TMED10: variants seen among roughly 807,000 people sequenced by gnomAD.
TMED10 encodes the protein transmembrane emp24 domain-containing protein 10.
TMED10 carries 7 observed loss-of-function variants against 23.1 expected under a neutral mutation model. The ratio of observed to expected loss-of-function variants is 0.30; its 90% CI spans 0.17 to 0.57. The LOEUF is 0.57. TMED10 is among the 20% of genes least tolerant of loss of function. TMED10 has a pLI of 0.91. For missense variants in TMED10, 162 were observed against 274.8 expected, an observed-to-expected ratio of 0.59 and a Z score of 2.90; for synonymous variants, 113 against 106.9, an observed-to-expected ratio of 1.06 and a Z score of -0.35.
chr14:75,165,100 A>C (rs1896144203), intron 1 of TMED10, among the ~76,000 whole-genome samples: 1 of 152,320 alleles, frequency 6.6e-6, no homozygotes, highest in East Asian at 1.9e-4. Flanking sequence ...TCTACTCTTC[A>C]TAAGAATTCA....
intron 3 of TMED10, among the ~76,000 whole-genome samples, chr14:75,145,289 A>G (rs752728864): frequency 2.6e-5 from 4 of 152,188 alleles, no homozygotes; most frequent in Non-Finnish European, 4.4e-5. Context: ...GTTAAGCAAA[A>G]GGTCAGGAAA....
At chr14:75,173,351 TGGAG>T (rs1000451907) in intron 1 of TMED10, among the ~76,000 whole-genome samples, 1 of 128,106 alleles carries the variant, frequency 7.8e-6, no homozygotes. Flanking sequence ...ATGGTGCCAC[TGGAG>T]GGAGGGAGGG....
intron 3 of TMED10, 125 bp from the exon 4 acceptor site, chr14:75,136,011 T>A: frequency 7.4e-7 from 1 of 1,344,068 alleles, no homozygotes; most frequent in Non-Finnish European, 1.0e-6. Flanking sequence ...TCAATCATCC[T>A]AACATATTTT....
intron 3 of TMED10, among the ~76,000 whole-genome samples, chr14:75,142,227 G>A (rs1222030546): frequency 1.3e-5 from 2 of 152,192 alleles, no homozygotes; most frequent in Non-Finnish European, 2.9e-5. Flanking sequence ...CAAGCTGCAT[G>A]TAGTTGTTAA....
chr14:75,134,759 T>C lies in TMED10; in HGVS notation c.*126A>G. 1.5e-6 allele frequency: 2 copies of C among 1,296,248 alleles called. No homozygotes were observed. The highest frequency in any genetic ancestry group is 1.3e-5 in the South Asian group (1 of 76,254). 80.3% of individuals were successfully genotyped at this position (1,296,248 alleles called of 1,614,324 possible). A position where few individuals can be genotyped will look rare whatever the true frequency, so the allele number is the denominator to read the frequency against. Reference sequence around the variant, plus strand: ...CCATGTCCTCCCACACCAAAAGAGATCAGTTCTGGCAAGAAAGCTCCAACG... The same window carrying C: ...CCATGTCCTCCCACACCAAAAGAGACCAGTTCTGGCAAGAAAGCTCCAACG... On this transcript the variant is annotated 3_prime_UTR_variant, in exon 5 of 5. Transcript: ENST00000303575.
At chr14:75,176,218 C>G in intron 1 of TMED10, 137 bp downstream of exon 1, 1 of 1,084,986 alleles carries the variant, frequency 9.2e-7, no homozygotes, top group South Asian at 1.5e-5. Context: ...GGGGCGGGCT[C>G]CACCGCACGT....
chr14:75,173,545 C>CT (rs374686958), intron 1 of TMED10, among the ~76,000 whole-genome samples: 3,484 of 149,284 alleles, frequency 0.023, 83 homozygotes, highest in African/African-American at 0.056. Context: ...ATCATCACTG[C>CT]TTTTTTTTTT....
chr14:75,147,220 G>A (rs1332203444), intron 3 of TMED10, among the ~76,000 whole-genome samples: 1 of 113,658 alleles, frequency 8.8e-6, no homozygotes, highest in East Asian at 2.1e-4. Flanking sequence ...ATGGAGCCTT[G>A]CCCTGTCGCC....
chr14:75,136,721 C>A (rs1895754810), intron 3 of TMED10: 1 of 152,160 alleles, frequency 6.6e-6, no homozygotes, highest in Non-Finnish European at 1.5e-5. Context: ...AATATCAGAG[C>A]TCAGATGTGA....
At chr14:75,176,300 C>T (rs927892772) in intron 1 of TMED10, 55 bp downstream of exon 1, 2 of 1,602,756 alleles carry the variant, frequency 1.2e-6, no homozygotes, top group Non-Finnish European at 1.7e-6. Flanking sequence ...CCCGAGCCTC[C>T]CCTCGCCTAA....
intron 1 of TMED10, among the ~76,000 whole-genome samples, chr14:75,166,585 C>A (rs1209414897): frequency 6.6e-6 from 1 of 152,172 alleles, no homozygotes; most frequent in African/African-American, 2.4e-5. Flanking sequence ...ACAGGGAAGG[C>A]TGTAGACAAC....
intron 1 of TMED10, among the ~76,000 whole-genome samples, chr14:75,162,749 A>G (rs1358521193): frequency 6.6e-6 from 1 of 152,204 alleles, no homozygotes; most frequent in Non-Finnish European, 1.5e-5. Flanking sequence ...AACGTGACAA[A>G]TCATGTTGAT....
chr14:75,176,123 A>G (rs1896301553), intron 1 of TMED10: 5 of 586,624 alleles, frequency 8.5e-6, no homozygotes, highest in Non-Finnish European at 1.5e-5. Flanking sequence ...GTGTCACCAC[A>G]TCCGCCAAAG....
At chr14:75,172,046 C>G (rs1185953051) in intron 1 of TMED10, among the ~76,000 whole-genome samples, 1 of 151,828 alleles carries the variant, frequency 6.6e-6, no homozygotes, top group African/African-American at 2.4e-5. Flanking sequence ...TACATCTTTA[C>G]AGCTGATTCC....
chr14:75,139,202 TA>T lies in TMED10; in HGVS notation c.412-3317del, dbSNP rs1197729729. The T allele has an allele frequency of 2.7e-5, 12 of 444,602 alleles. No homozygotes were observed. The East Asian group carries it at 8.5e-4, about 31-fold the overall frequency. 27.5% of individuals were successfully genotyped at this position (444,602 alleles called of 1,614,324 possible). ...GTATGTAAATGTACACAGAAAAATA[TA>T]ACTTAAAATCTATTTATAAATGGCA... On this transcript the variant is annotated intron_variant, in intron 3 of 4. Coordinates refer to ENST00000303575, the MANE Select transcript of TMED10 (RefSeq NM_006827.6).
intron 2 of TMED10, 64 bp from the exon 3 acceptor site, chr14:75,147,801 ACCCG>A (rs3832966): frequency 1.6e-6 from 2 of 1,265,044 alleles, no homozygotes. Context: ...TTACCCACCC[ACCCG>A]CCCGCCCTCC....
At chr14:75,148,542 C>T (rs906686058) in intron 2 of TMED10, among the ~76,000 whole-genome samples, 2 of 151,926 alleles carry the variant, frequency 1.3e-5, no homozygotes, top group Non-Finnish European at 2.9e-5. Flanking sequence ...AGGAAAAGAC[C>T]CAAGGAGCCC....
intron 3 of TMED10, among the ~76,000 whole-genome samples, chr14:75,141,800 T>G (rs1382260888): frequency 6.6e-6 from 1 of 152,228 alleles, no homozygotes; most frequent in East Asian, 1.9e-4. Flanking sequence ...TAAGTTGTCC[T>G]GTTTGCTTGA....
chr14:75,157,526 T>C (rs1218724558), intron 1 of TMED10, among the ~76,000 whole-genome samples: 1 of 152,080 alleles, frequency 6.6e-6, no homozygotes, highest in East Asian at 1.9e-4. Context: ...GACATGCGCC[T>C]GTGGTCCCAG....
Sources: allele counts gnomAD v4.1 joint callset (sites outside exome capture counted in the v4.1 genomes callset), GRCh38; gene constraint gnomAD v4.1.1; transcripts MANE v1.5; gene names NCBI Gene and HGNC (gene_info 2026-07-23, HGNC 2026-07-21).